Variants in GPSM1 observed in about 807,000 individuals in gnomAD.
GPSM1 encodes G protein-signaling modulator 1.
Under a neutral mutation model 70.5 loss-of-function variants are expected in GPSM1, and 48 were observed. The observed-to-expected ratio is 0.68, with a 90% confidence interval of 0.54 to 0.87. The LOEUF is 0.87. Ranked by LOEUF, GPSM1 falls within the 40% of genes least tolerant of loss-of-function variation. GPSM1 has a pLI of 0.00. For synonymous variants in GPSM1, 416 were observed against 430.1 expected (o/e 0.97, Z 0.41); for missense variants, 981 against 972.6 (o/e 1.01, Z -0.11).
chr9:136,356,102 TTCTCCTCCTG>T (rs148822908), intron 12 of GPSM1, among the ~76,000 whole-genome samples: 3,795 of 152,110 alleles, frequency 0.025, 71 homozygotes, highest in Middle Eastern at 0.048. Flanking sequence ...GGGACTGGCG[TTCTCCTCCTG>T]TCTCCTCCTG....
chr9:136,354,909 G>T, intron 11 of GPSM1: 1 of 1,017,224 alleles, frequency 9.8e-7, no homozygotes, highest in Non-Finnish European at 1.2e-6. Context: ...TGTCTGGGAA[G>T]TGTTCCAGGC....
intron 1 of GPSM1, among the ~76,000 whole-genome samples, chr9:136,331,047 G>A (rs1464198480): frequency 1.3e-5 from 2 of 152,142 alleles, no homozygotes; most frequent in East Asian, 1.9e-4. Context: ...CCCCGTGGCC[G>A]TCTCAGGGAT....
chr9:136,338,716 T>G lies in GPSM1; in HGVS notation c.974+6T>G. On this transcript the variant is annotated splice_donor_region_variant and intron_variant, in intron 7 of 13. Transcript: ENST00000440944. ...GCCCAGGAGCTGGCCGACAGGTGCGTGGGCGCGGACGCGGCGGGCAGACCC... is the reference window on the plus strand; with the variant it reads ...GCCCAGGAGCTGGCCGACAGGTGCGGGGGCGCGGACGCGGCGGGCAGACCC... 6.5e-7 allele frequency: 1 copy of G among 1,545,888 alleles called. No homozygotes were observed. The highest frequency in any genetic ancestry group is 1.4e-5 in the African/African-American group (1 of 73,394).
chr9:136,350,634 C>T (rs1832637016), intron 11 of GPSM1, among the ~76,000 whole-genome samples: 2 of 152,158 alleles, frequency 1.3e-5, no homozygotes, highest in Non-Finnish European at 1.5e-5. Flanking sequence ...GCTAGGTCCA[C>T]TCAGGGTTCC....
chr9:136,349,441 C>A, intron 10 of GPSM1, 146 bp from the exon 11 acceptor site: 1 of 730,596 alleles, frequency 1.4e-6, no homozygotes, highest in Non-Finnish European at 2.2e-6. Context: ...GGGCCCACAG[C>A]CCCAGTCCTC....
In GPSM1 at chr9:136,349,726, TGGACAGC is replaced by T; in HGVS notation, c.1420_1426del (p.Asp474ProfsTer27). The T allele has an allele frequency of 6.3e-7, 1 of 1,578,848 alleles. No homozygotes were observed. Among genetic ancestry groups the T allele is most frequent in the Non-Finnish European group, 8.6e-7 (1 of 1,163,680 alleles). Reference sequence around the variant, plus strand: ...CCCCGGGAGGGCAGCCACTCCCCGCTGGACAGCGCCGACGTCCGGGTGCACGTGCCAC... The same window carrying T: ...CCCCGGGAGGGCAGCCACTCCCCGCTGCCGACGTCCGGGTGCACGTGCCAC... On this transcript the variant is annotated frameshift_variant, in exon 11 of 14. Transcript: ENST00000440944. LOFTEE classifies it high-confidence loss of function.
intron 9 of GPSM1, among the ~76,000 whole-genome samples, chr9:136,345,158 C>T (rs978753727): frequency 6.6e-6 from 1 of 152,118 alleles, no homozygotes; most frequent in Admixed American, 6.5e-5. Context: ...CTGAGGGGTC[C>T]GGCAGGCACA....
rs1280165424 is a variant in GPSM1, at chr9:136,327,683, G to A, written c.-13G>A. ...GGGGGCGCTCCCGGCTCCCGCTCCCGCGTCCCCGACCCATGGCGGGCCCGG... is the reference window on the plus strand; with the variant it reads ...GGGGGCGCTCCCGGCTCCCGCTCCCACGTCCCCGACCCATGGCGGGCCCGG... On this transcript the variant is annotated 5_prime_UTR_variant, in exon 1 of 14. Coordinates refer to ENST00000440944, the MANE Select transcript of GPSM1 (RefSeq NM_001145638.3). 2.8e-6 allele frequency: 3 copies of A among 1,085,982 alleles called. No homozygotes were observed. The highest frequency in any genetic ancestry group is 3.4e-6 in the Non-Finnish European group (3 of 889,274). The allele number at this position is 1,085,982 out of a possible 1,614,324, so 67.3% of individuals were successfully genotyped here.
chr9:136,340,469 TAAGC>T lies in GPSM1; in HGVS notation c.1084-398_1084-395del, dbSNP rs1832359617. 6.6e-6 allele frequency among the ~76,000 whole-genome samples: 1 copy of T among 151,854 alleles called. No homozygotes were observed. Among genetic ancestry groups the T allele is most frequent in the Admixed American group, 6.6e-5 (1 of 15,244 alleles). ...CATGCCACCTCTCTTCTGCTTGACT[TAAGC>T]AAACAGTTAGTTCCTGAGTGATGTG... On this transcript the variant is annotated intron_variant, in intron 8 of 13. Transcript: ENST00000440944. This position sits in a 1 kb window ranked among gnomAD's most constrained non-coding sequence, Gnocchi z 7.3.
chr9:136,356,642 C>T (rs1832837777), intron 13 of GPSM1, 92 bp downstream of exon 13: 3 of 890,424 alleles, frequency 3.4e-6, no homozygotes, highest in African/African-American at 1.7e-5. Context: ...GAGGTGGGCG[C>T]TGGTTCTGCC....
At position 136,334,511 on chromosome 9, in the gene GPSM1, A is replaced by T; in HGVS notation, c.133A>T (p.Lys45Ter). The T allele has an allele frequency of 5.0e-6, 8 of 1,613,376 alleles. No homozygotes were observed. The highest frequency in any genetic ancestry group is 6.8e-6 in the Non-Finnish European group (8 of 1,179,976). ...GCGTCTGTGCAAGGCGGGCGACTTC[A>T]AGACAGGCGTGGCCTTCTTTGAGGC... ...GERLCKAGDF[K>*]TGVAFFEAAV... Residue 45 changes from lysine (K) to a stop codon, truncating the protein, a stop_gained, in exon 2 of 14, where the codon AAG (lysine) becomes TAG (stop). Transcript: ENST00000440944. LOFTEE classifies it high-confidence loss of function.
At chr9:136,333,951 C>G (rs551745759) in intron 1 of GPSM1, among the ~76,000 whole-genome samples, 1 of 151,902 alleles carries the variant, frequency 6.6e-6, no homozygotes, top group Non-Finnish European at 1.5e-5. Flanking sequence ...CCACCCCACC[C>G]GACCCCCATG....
rs138272770 is a variant in GPSM1, at chr9:136,350,668, C to T, written c.1455+905C>T. 2.7e-3 allele frequency among the ~76,000 whole-genome samples: 408 copies of T among 152,286 alleles called. 2 individuals are homozygous for T. Among genetic ancestry groups the T allele is most frequent in the African/African-American group, 9.2e-3 (383 of 41,572 alleles). On this transcript the variant is annotated intron_variant, in intron 11 of 13. Coordinates refer to ENST00000440944, the MANE Select transcript of GPSM1 (RefSeq NM_001145638.3). ...CCTCCTGGTCAGGGGCTGGGAGGCC[C>T]CACCCTGCCCTACCCCACCTGGGCT... is the stretch of plus-strand genomic sequence containing the variant.
At chr9:136,351,586 G>A (rs1363668737) in intron 11 of GPSM1, among the ~76,000 whole-genome samples, 1 of 152,188 alleles carries the variant, frequency 6.6e-6, no homozygotes, top group African/African-American at 2.4e-5. Context: ...CCAACAAACT[G>A]CCCTGGGTCT....
intron 9 of GPSM1, among the ~76,000 whole-genome samples, chr9:136,346,700 C>T (rs919241395): frequency 6.6e-6 from 1 of 152,218 alleles, no homozygotes; most frequent in Non-Finnish European, 1.5e-5. Context: ...GAGACCCTGA[C>T]ACTCGGGCCC....
At chr9:136,337,349 G>A (rs1832267157) in intron 4 of GPSM1, 92 bp from the exon 5 acceptor site, 10 of 1,514,248 alleles carry the variant, frequency 6.6e-6, no homozygotes, top group Admixed American at 4.1e-5. Flanking sequence ...TGGCCCTGAG[G>A]CCGCATGGAG....
chr9:136,349,443 C>T, intron 10 of GPSM1, 144 bp from the exon 11 acceptor site: 1 of 742,828 alleles, frequency 1.3e-6, no homozygotes, highest in Non-Finnish European at 2.1e-6. Flanking sequence ...GCCCACAGCC[C>T]CAGTCCTCTC....
At chr9:136,350,533 GGCAGGACCGA>G (rs1832634156) in intron 11 of GPSM1, among the ~76,000 whole-genome samples, 2 of 152,238 alleles carry the variant, frequency 1.3e-5, no homozygotes, top group Admixed American at 1.3e-4. Flanking sequence ...CAGGGGCCGG[GGCAGGACCGA>G]TGGTGAGTGG....
chr9:136,350,862 G>A (rs893461720), intron 11 of GPSM1, among the ~76,000 whole-genome samples: 5 of 152,334 alleles, frequency 3.3e-5, no homozygotes, highest in Admixed American at 1.3e-4. Context: ...ATGGGTGGAC[G>A]GACGGGGGAC....
Sources: gnomAD v4.1 joint callset for allele counts (sites outside exome capture counted in the v4.1 genomes callset) on GRCh38, gnomAD v4.1.1 for gene constraint, Gnocchi (gnomAD v3.1) non-coding constraint, MANE v1.5 for transcripts, NCBI Gene and HGNC (gene_info 2026-07-23, HGNC 2026-07-21) for gene names.